Variants in ILDR2 observed in about 807,000 individuals in gnomAD.
The protein encoded by ILDR2 is immunoglobulin-like domain-containing receptor 2.
A neutral mutation model predicts 66.8 loss-of-function variants in ILDR2; 25 were observed. The observed-to-expected ratio is 0.37, with a 90% CI of 0.27 to 0.52. The LOEUF (loss-of-function observed/expected upper bound fraction) is 0.52. Among genes scored for constraint, ILDR2 ranks in the 20% least tolerant of loss-of-function variants. The pLI, the probability that ILDR2 is intolerant of heterozygous loss-of-function variation, is 0.88. For missense variants in ILDR2, 827 were observed against 876.8 expected (o/e 0.94, Z 0.72); for synonymous variants, 367 against 357.2 (o/e 1.03, Z -0.31).
intron 9 of ILDR2, among the ~76,000 whole-genome samples, chr1:166,920,218 T>A (rs1417115501): frequency 1.3e-5 from 2 of 152,190 alleles, no homozygotes; most frequent in Non-Finnish European, 2.9e-5. Flanking sequence ...CAAACAGCAG[T>A]GGCTCTTAGC....
chr1:166,897,813 T>C (rs114097175), intron 2 of ILDR2, among the ~76,000 whole-genome samples: 2,977 of 152,340 alleles, frequency 0.02, 43 homozygotes, highest in Admixed American at 0.026. Context: ...GATTTGTACC[T>C]TGATAATAAA....
chr1:166,936,726 C>G lies in ILDR2; in HGVS notation c.568G>C (p.Val190Leu). The change falls in exon 5 of 10, where the codon GTT becomes CTT. Residue 190 changes from valine (V) to leucine (L), a missense_variant. Coordinates refer to ENST00000271417, the MANE Select transcript of ILDR2 (RefSeq NM_199351.3). This position sits in a 1 kb window ranked among gnomAD's most constrained non-coding sequence, Gnocchi z 5.0. ...AAGACGCCCAGGAGCACCAGGCCAA[C>G]AAACACCCACTCTGGAAGGATGCAC... Reference protein sequence around the residue: ...AVEIMPEWVFVGLVLLGVFLF... With the variant: ...AVEIMPEWVFLGLVLLGVFLF... 1 of 1,614,102 alleles carries G rather than the reference C, an allele frequency of 6.2e-7. No homozygotes were observed. Among genetic ancestry groups the G allele is most frequent in the Non-Finnish European group, 8.5e-7 (1 of 1,180,008 alleles).
chr1:166,946,398 A>C (rs1016963240), intron 3 of ILDR2, among the ~76,000 whole-genome samples: 5 of 152,218 alleles, frequency 3.3e-5, no homozygotes, highest in Admixed American at 1.3e-4. Flanking sequence ...AAAGGAGAAT[A>C]ATTCTGAAAC....
intron 2 of ILDR2, among the ~76,000 whole-genome samples, 191 bp from the exon 3 acceptor site, chr1:166,957,043 A>G (rs777507551): frequency 6.6e-6 from 1 of 152,250 alleles, no homozygotes; most frequent in Non-Finnish European, 1.5e-5. Flanking sequence ...CCATAACAGA[A>G]ACTAGCATCT....
chr1:166,900,183 A>T (rs1349356511), intron 2 of ILDR2, among the ~76,000 whole-genome samples: 2 of 150,234 alleles, frequency 1.3e-5, no homozygotes, highest in Non-Finnish European at 3.0e-5. Context: ...CTATCCTTTC[A>T]TGCCCTCCAC....
intron 6 of ILDR2, among the ~76,000 whole-genome samples, chr1:166,929,709 T>C (rs1245081427): frequency 6.6e-6 from 1 of 152,124 alleles, no homozygotes; most frequent in Non-Finnish European, 1.5e-5. Context: ...ATTTGAAATA[T>C]GTGTGTTTGT....
chr1:166,916,875 T>C lies in ILDR2; in HGVS notation c.*2480A>G, dbSNP rs893755014. On this transcript the variant is annotated 3_prime_UTR_variant, in exon 10 of 10. Coordinates refer to ENST00000271417, the MANE Select transcript of ILDR2 (RefSeq NM_199351.3). ...CTACCCTCAACCTTCACCAAAATCATACGTCCGTAGCTTTAAAAAAACATT... is the reference window on the plus strand; with the variant it reads ...CTACCCTCAACCTTCACCAAAATCACACGTCCGTAGCTTTAAAAAAACATT... 1.3e-5 allele frequency: 2 copies of C among 152,176 alleles called. No homozygotes were observed. The highest frequency in any genetic ancestry group is 2.9e-5 in the Non-Finnish European group (2 of 68,036). The allele number at this position is 152,176 out of a possible 1,614,324, so 9.4% of individuals were successfully genotyped here.
Position 166,921,078 on chromosome 1 carries a change from C to A in ILDR2, c.1513G>T (p.Ala505Ser). The A allele has an allele frequency of 1.3e-6, 2 of 1,482,566 alleles. No individual in the cohort carries two copies. The highest frequency in any genetic ancestry group is 1.8e-6 in the Non-Finnish European group (2 of 1,126,798). The allele number at this position is 1,482,566 out of a possible 1,614,324, so 91.8% of individuals were successfully genotyped here. ...AGCCGCGGCAGGTGCGCGTCCTCGG[C>A]GGGTCTGCGGCGCGCGGGGCTGAAG... ...WAFSPARRRP[A>S]EDAHLPRLVS... The change falls in exon 9 of 10, where the codon GCC becomes TCC. Residue 505 changes from alanine (A) to serine (S), a missense_variant. By Grantham distance (99) the Ala-to-Ser change is moderately conservative. Coordinates refer to ENST00000271417, the MANE Select transcript of ILDR2 (RefSeq NM_199351.3). The surrounding 1 kb of genome is among the most constrained non-coding windows in gnomAD (Gnocchi z 5.3).
At chr1:166,933,386 TGAG>T (rs1354629108) in intron 6 of ILDR2, 1 of 164,064 alleles carries the variant, frequency 6.1e-6, no homozygotes, top group African/African-American at 2.4e-5. Context: ...GTAAGCCAGC[TGAG>T]GAGGACAGAG....
At chr1:166,951,350 T>G (rs1385431244) in intron 3 of ILDR2, among the ~76,000 whole-genome samples, 6 of 152,132 alleles carry the variant, frequency 3.9e-5, no homozygotes, top group African/African-American at 1.4e-4. Context: ...AGCCAGGAGA[T>G]GGAGATGAGG....
chr1:166,972,529 A>G (rs1276918580), intron 1 of ILDR2, among the ~76,000 whole-genome samples: 1 of 152,240 alleles, frequency 6.6e-6, no homozygotes, highest in Non-Finnish European at 1.5e-5. Flanking sequence ...CAAAACCAAT[A>G]TATTACAGGA....
chr1:166,904,527 G>A (rs1659310229), downstream of ILDR2, among the ~76,000 whole-genome samples: 3 of 152,212 alleles, frequency 2.0e-5, no homozygotes, highest in Admixed American at 2.0e-4. Context: ...GAGTGTCATG[G>A]GGAATAATGA....
At chr1:166,968,309 C>T (rs1663081572) in intron 1 of ILDR2, among the ~76,000 whole-genome samples, 1 of 152,176 alleles carries the variant, frequency 6.6e-6, no homozygotes, top group Non-Finnish European at 1.5e-5. Flanking sequence ...CCATCCCACT[C>T]TTCTCTGGCC....
chr1:166,938,239 T>C (rs149285796), intron 4 of ILDR2, among the ~76,000 whole-genome samples: 7 of 152,318 alleles, frequency 4.6e-5, no homozygotes, highest in Non-Finnish European at 7.3e-5. Context: ...CTCTTAGGTT[T>C]AGATGAGCTG....
rs72707832 is a variant in ILDR2, at chr1:166,941,519, C to T, written c.500-1949G>A. Among the ~76,000 whole-genome samples, 1,248 of 152,228 alleles carry T rather than the reference C, an allele frequency of 8.2e-3. 8 individuals are homozygous for T. The highest frequency in any genetic ancestry group is 0.013 in the Admixed American group (194 of 15,294). On this transcript the variant is annotated intron_variant, in intron 3 of 9. Coordinates refer to ENST00000271417, the MANE Select transcript of ILDR2 (RefSeq NM_199351.3). ...ATAAAAATATCTCTCGGAAACTCAA[C>T]GAGGTAATAATCACCTAGTCAAAGA...
chr1:166,923,705 T>C (rs1660096696), intron 7 of ILDR2, among the ~76,000 whole-genome samples: 1 of 152,172 alleles, frequency 6.6e-6, no homozygotes, highest in Admixed American at 6.5e-5. Context: ...TAAGTAGCTT[T>C]TTGCAAAAGC....
rs920870544 is a variant in ILDR2 at position 166,933,935 on chromosome 1, A to C, written c.880+1366T>G. The stretch of plus-strand genomic sequence containing the variant: ...AATTACTCACTGAGGATAGCCACTC[A>C]TTCTACAATCAGGCACTGGCAGCTC... On this transcript the variant is annotated intron_variant, in intron 6 of 9. Coordinates refer to ENST00000271417, the MANE Select transcript of ILDR2 (RefSeq NM_199351.3). Among the ~76,000 whole-genome samples, 12 of 152,186 alleles carry C rather than the reference A, an allele frequency of 7.9e-5. 1 individual carries two copies. The highest frequency in any genetic ancestry group is 7.2e-4 in the Admixed American group (11 of 15,284).
rs554731282 is a variant in ILDR2, at chr1:166,967,680, T to G, written c.46+7543A>C. 5.9e-5 allele frequency among the ~76,000 whole-genome samples: 9 copies of G among 152,298 alleles called. No individual in the cohort carries two copies. The South Asian group carries it at 1.9e-3, about 32-fold the overall frequency. On this transcript the variant is annotated intron_variant, in intron 1 of 9. Coordinates refer to ENST00000271417, the MANE Select transcript of ILDR2 (RefSeq NM_199351.3). ...GCTGAGGTACAAGAACTGCTTGATC[T>G]GGGAGGCAGAGGCTGCAGTGAGCTG...
chr1:166,933,631 A>G (rs1418834012), intron 6 of ILDR2: 1 of 659,438 alleles, frequency 1.5e-6, no homozygotes, highest in Non-Finnish European at 1.9e-6. Flanking sequence ...TTGCTATTCT[A>G]TGAATAAGAA....
Sources: gnomAD v4.1 joint callset for allele counts (sites outside exome capture counted in the v4.1 genomes callset) on GRCh38, gnomAD v4.1.1 for gene constraint, Gnocchi (gnomAD v3.1) non-coding constraint, MANE v1.5 for transcripts, NCBI Gene and HGNC (gene_info 2026-07-23, HGNC 2026-07-21) for gene names.